The following CTNNA2 variants were observed in gnomAD, a reference collection of about 807,000 sequenced individuals.
The protein encoded by CTNNA2 is catenin alpha 2, also known as catenin alpha-2.
A neutral mutation model predicts 101.0 loss-of-function variants in CTNNA2; 42 were observed. The observed-to-expected ratio is 0.42, with a 90% CI of 0.32 to 0.54. The LOEUF (loss-of-function observed/expected upper bound fraction) is 0.54, where lower values mean the gene tolerates loss of function less well. Ranked by LOEUF, CTNNA2 falls within the 20% of genes least tolerant of loss-of-function variation. CTNNA2 has a pLI of 0.14. For missense variants in CTNNA2, 871 were observed against 1,223.1 expected, an observed-to-expected ratio of 0.71 and a Z score of 4.29; for synonymous variants, 450 against 456.4, an observed-to-expected ratio of 0.99 and a Z score of 0.18.
chr2:79,830,997 T>C (rs1207984033), intron 3 of CTNNA2, among the ~76,000 whole-genome samples: 1 of 152,172 alleles, frequency 6.6e-6, no homozygotes, highest in Non-Finnish European at 1.5e-5. Flanking sequence ...CTAAATACAT[T>C]TAATTACAAA....
intron 3 of CTNNA2, among the ~76,000 whole-genome samples, chr2:79,845,005 T>C (rs975289073): frequency 7.3e-5 from 2 of 27,408 alleles, no homozygotes; most frequent in Non-Finnish European, 1.9e-4. Flanking sequence ...CACACACATA[T>C]ATTTGTGTGT....
chr2:79,308,030 A>G (rs1676285846), intron 2 of CTNNA2, among the ~76,000 whole-genome samples: 1 of 152,018 alleles, frequency 6.6e-6, no homozygotes, highest in Non-Finnish European at 1.5e-5. Flanking sequence ...AGAAATGTCT[A>G]TTCAGATGAT....
chr2:80,024,088 G>GAAAAAA (rs1158051768), intron 7 of CTNNA2, among the ~76,000 whole-genome samples: 1 of 54,724 alleles, frequency 1.8e-5, no homozygotes. Flanking sequence ...CTCCGTCTCA[G>GAAAAAA]AAAAAAAAAA....
chr2:80,634,331 T>C (rs1279216396), intron 18 of CTNNA2, among the ~76,000 whole-genome samples: 1 of 152,110 alleles, frequency 6.6e-6, no homozygotes, highest in African/African-American at 2.4e-5. Context: ...TTGGATAAAG[T>C]TCAGATGGAT....
chr2:80,008,295 A>G (rs1693520490), intron 7 of CTNNA2, among the ~76,000 whole-genome samples: 1 of 152,104 alleles, frequency 6.6e-6, no homozygotes, highest in African/African-American at 2.4e-5. Flanking sequence ...TCCCGCAGTC[A>G]CCCCACTGTG....
At chr2:79,259,317 A>C (rs894744895) in intron 2 of CTNNA2, among the ~76,000 whole-genome samples, 3 of 152,106 alleles carry the variant, frequency 2.0e-5, no homozygotes, top group Non-Finnish European at 4.4e-5. Flanking sequence ...TACTTCCTCA[A>C]CTTCCAAATA....
intron 12 of CTNNA2, among the ~76,000 whole-genome samples, chr2:80,568,763 A>G (rs1694293528): frequency 6.6e-6 from 1 of 152,190 alleles, no homozygotes; most frequent in African/African-American, 2.4e-5. Flanking sequence ...AGTATGAGAA[A>G]ATAAATCATT....
intron 7 of CTNNA2, among the ~76,000 whole-genome samples, chr2:80,056,546 C>T (rs770907091): frequency 6.6e-6 from 1 of 152,182 alleles, no homozygotes; most frequent in Non-Finnish European, 1.5e-5. Flanking sequence ...AGGGATCAAG[C>T]CTCAGCGATC....
chr2:79,493,029 T>C (rs976512330), intron 4 of CTNNA2, among the ~76,000 whole-genome samples: 1 of 152,096 alleles, frequency 6.6e-6, no homozygotes, highest in African/African-American at 2.4e-5. Flanking sequence ...ATAAGAACCA[T>C]CAACAAACTA....
intron 7 of CTNNA2, among the ~76,000 whole-genome samples, chr2:80,183,737 G>T (rs899735468): frequency 6.6e-6 from 1 of 152,162 alleles, no homozygotes; most frequent in Non-Finnish European, 1.5e-5. Flanking sequence ...TATGCATTTA[G>T]ATGAGTAAAT....
At chr2:80,014,694 T>G (rs1260540149) in intron 7 of CTNNA2, among the ~76,000 whole-genome samples, 2 of 152,178 alleles carry the variant, frequency 1.3e-5, no homozygotes, top group Non-Finnish European at 2.9e-5. Context: ...TCTCTCTCCC[T>G]CTCTCACCCT....
intron 15 of CTNNA2, among the ~76,000 whole-genome samples, chr2:80,591,050 T>A (rs190577158): frequency 3.0e-4 from 46 of 152,324 alleles, no homozygotes; most frequent in African/African-American, 1.1e-3. Flanking sequence ...GTAAAGTGAA[T>A]AATGACTCTG....
At chr2:79,279,482 GTTAC>G (rs1197425048) in intron 2 of CTNNA2, among the ~76,000 whole-genome samples, 4 of 152,072 alleles carry the variant, frequency 2.6e-5, no homozygotes, top group Non-Finnish European at 5.9e-5. Context: ...CCAACTTCCA[GTTAC>G]TTGTAACTGA....
chr2:79,859,652 G>T (rs1368799156), intron 4 of CTNNA2, among the ~76,000 whole-genome samples: 1 of 151,754 alleles, frequency 6.6e-6, no homozygotes, highest in African/African-American at 2.4e-5. Flanking sequence ...CTCCTCCTTA[G>T]GAATGTTTCA....
chr2:79,354,033 A>G (rs145407891), intron 3 of CTNNA2, among the ~76,000 whole-genome samples: 160 of 152,258 alleles, frequency 1.1e-3, no homozygotes, highest in Middle Eastern at 6.8e-3. Flanking sequence ...GTTTCTGCTA[A>G]GAAGTCCTAT....
chr2:79,359,539 C>T (rs1017443358), intron 3 of CTNNA2, among the ~76,000 whole-genome samples: 4 of 152,106 alleles, frequency 2.6e-5, no homozygotes, highest in African/African-American at 7.2e-5. Flanking sequence ...ATAGATCAAC[C>T]GGGTTAATAG....
At chr2:80,284,081 G>C (rs2149165107) in intron 7 of CTNNA2, among the ~76,000 whole-genome samples, 1 of 152,204 alleles carries the variant, frequency 6.6e-6, no homozygotes, top group South Asian at 2.1e-4. Flanking sequence ...AGCAGCAGTG[G>C]CAGCAAGAAG....
intron 1 of CTNNA2, among the ~76,000 whole-genome samples, chr2:79,592,956 A>G (rs1044038705): frequency 1.3e-5 from 2 of 152,202 alleles, no homozygotes; most frequent in Admixed American, 1.3e-4. Context: ...TTAATACACA[A>G]CAATCCTCAG....
intron 7 of CTNNA2, among the ~76,000 whole-genome samples, chr2:80,217,638 G>C (rs1708347286): frequency 6.6e-6 from 1 of 152,060 alleles, no homozygotes; most frequent in Non-Finnish European, 1.5e-5. Flanking sequence ...ATTAGATATT[G>C]CTGAGTACAC....
Sources: allele counts gnomAD v4.1 joint callset (sites outside exome capture counted in the v4.1 genomes callset), GRCh38; gene constraint gnomAD v4.1.1; transcripts MANE v1.5; gene names NCBI Gene and HGNC (gene_info 2026-07-23, HGNC 2026-07-21).